Variants in KDM7A observed in about 807,000 individuals in gnomAD.
KDM7A encodes lysine-specific demethylase 7A.
A neutral mutation model predicts 114.8 loss-of-function variants in KDM7A; 28 were observed. That is an observed-to-expected ratio of 0.24 (90% CI 0.18 to 0.33). The LOEUF (loss-of-function observed/expected upper bound fraction) is 0.33. KDM7A is among the 10% of genes least tolerant of loss of function. The pLI, the probability that KDM7A is intolerant of heterozygous loss-of-function variation, is 1.00. For synonymous variants in KDM7A, 423 were observed against 397.8 expected, an observed-to-expected ratio of 1.06 and a Z score of -0.75; for missense variants, 942 against 1,142.5, an observed-to-expected ratio of 0.82 and a Z score of 2.53.
chr7:140,124,658 A>G lies in KDM7A; in HGVS notation c.1014T>C (p.Cys338=), dbSNP rs1368894608. The G allele has an allele frequency of 1.2e-6, 2 of 1,613,398 alleles. No homozygotes were observed. Among genetic ancestry groups the G allele is most frequent in the Admixed American group, 1.7e-5 (1 of 59,882 alleles). Residue 338 remains cysteine (C), a synonymous_variant, in exon 7 of 20, where the codon TGT becomes TGC. Coordinates refer to ENST00000397560, the MANE Select transcript of KDM7A (RefSeq NM_030647.2). ...FGDKVDKCYK[C]VVKQGHTLFV... ...ATAAGGTATGTCCCTGCTTTACCAC[A>G]CATTTGTAGCATTTATCCACCTTAT...
chr7:140,097,449 T>C (rs1818133447), intron 15 of KDM7A, 96 bp downstream of exon 15: 1 of 685,778 alleles, frequency 1.5e-6, no homozygotes, highest in African/African-American at 1.8e-5. Flanking sequence ...CAGACAAGCT[T>C]TGAGAAAAGC....
At chr7:140,100,104 C>T (rs1438421856) in intron 12 of KDM7A, 81 bp from the exon 13 acceptor site, 1 of 1,440,440 alleles carries the variant, frequency 6.9e-7, no homozygotes, top group South Asian at 1.2e-5. Flanking sequence ...TATACCACCA[C>T]CTCCCCCATG....
At chr7:140,126,578 T>C in intron 6 of KDM7A, 59 bp downstream of exon 6, 1 of 1,073,102 alleles carries the variant, frequency 9.3e-7, no homozygotes. Flanking sequence ...AATATACCAC[T>C]GAAAAACTAG....
At chr7:140,117,487 T>TGA (rs397775605) in intron 9 of KDM7A, among the ~76,000 whole-genome samples, 12 of 151,232 alleles carry the variant, frequency 7.9e-5, no homozygotes, top group African/African-American at 2.7e-4. Flanking sequence ...TGTGTGTGTG[T>TGA]TCGTGGATAG....
At chr7:140,172,079 T>A (rs1794651179) in intron 1 of KDM7A, among the ~76,000 whole-genome samples, 1 of 152,118 alleles carries the variant, frequency 6.6e-6, no homozygotes, top group South Asian at 2.1e-4. Context: ...ATTGGGAGGA[T>A]GCAGGGAACT....
chr7:140,113,238 T>C (rs1220044453), intron 10 of KDM7A, among the ~76,000 whole-genome samples: 3 of 152,244 alleles, frequency 2.0e-5, no homozygotes, highest in Non-Finnish European at 4.4e-5. Flanking sequence ...GTTCATTTCT[T>C]AGTCAATTTC....
chr7:140,102,109 C>A lies in KDM7A; in HGVS notation c.1480G>T (p.Val494Phe). The change falls in exon 12 of 20, where the codon GTT becomes TTT. Residue 494 changes from valine (V) to phenylalanine (F), a missense_variant. By Grantham distance (50) the Val-to-Phe change is conservative. This residue lies in a region of KDM7A where 512 missense variants were observed against 576.6 expected (regional missense o/e 0.89). Transcript: ENST00000397560. Reference sequence around the variant, plus strand: ...GTTGCTTCATTTGAGGATCGTGAAACTGGACACACAATAGGAATTCCCTGA... The same window carrying A: ...GTTGCTTCATTTGAGGATCGTGAAAATGGACACACAATAGGAATTCCCTGA... ...KSQGIPIVCP[V>F]SRSSNEATSP... 1 of 1,614,074 alleles carries A rather than the reference C, an allele frequency of 6.2e-7. No individual in the cohort carries two copies. Among genetic ancestry groups the A allele is most frequent in the Non-Finnish European group, 8.5e-7 (1 of 1,179,960 alleles).
At chr7:140,168,288 G>A (rs557823896) in intron 1 of KDM7A, among the ~76,000 whole-genome samples, 6 of 152,194 alleles carry the variant, frequency 3.9e-5, no homozygotes, top group South Asian at 4.1e-4. Flanking sequence ...ATACAAGGTC[G>A]GGCGTGGTGG....
At chr7:140,126,528 A>AC in intron 6 of KDM7A, 109 bp downstream of exon 6, 2 of 608,858 alleles carry the variant, frequency 3.3e-6, no homozygotes, top group African/African-American at 1.9e-5. Flanking sequence ...AAAAAAAAAA[A>AC]AAAAACTTCC....
At chr7:140,146,439 A>G (rs185226576) in intron 1 of KDM7A, among the ~76,000 whole-genome samples, 2 of 152,198 alleles carry the variant, frequency 1.3e-5, no homozygotes, top group African/African-American at 4.8e-5. Flanking sequence ...TGATAGCTAT[A>G]ACAGATATGT....
rs202046695 is a variant in KDM7A at position 140,111,152 on chromosome 7, G to T, written c.1371C>A (p.Asp457Glu). 64 of 1,607,910 alleles carry T rather than the reference G, an allele frequency of 4.0e-5. No homozygotes were observed. Among genetic ancestry groups the T allele is most frequent in the Non-Finnish European group, 5.2e-5 (61 of 1,175,974 alleles). ...LVSEHAFEIP[D>E]NVRPGHLIKE... is the part of the protein sequence containing the mutation. ...TAATAAGGTGTCCAGGTCTAACATTGTCTGGAATTTCAAAGGCATGTTCAG... is the reference window on the plus strand; with the variant it reads ...TAATAAGGTGTCCAGGTCTAACATTTTCTGGAATTTCAAAGGCATGTTCAG... Residue 457 changes from aspartate (D) to glutamate (E), a missense_variant, in exon 11 of 20, where the codon GAC becomes GAA. Coordinates refer to ENST00000397560, the MANE Select transcript of KDM7A (RefSeq NM_030647.2).
At chr7:140,108,174 A>G (rs539427750) in intron 11 of KDM7A, among the ~76,000 whole-genome samples, 3 of 151,960 alleles carry the variant, frequency 2.0e-5, no homozygotes, top group East Asian at 3.9e-4. Flanking sequence ...GCCATTTGTC[A>G]TATCTTTTTT....
Position 140,176,829 on chromosome 7 carries a change from G to A in KDM7A, c.109C>T (p.Pro37Ser), listed in dbSNP as rs1403858856. Reference sequence around the variant, plus strand: ...GGCTGCCGGCACACACAGTACACGGGCGGGGGCGGCGGAGGCGCCGAGGCC... The same window carrying A: ...GGCTGCCGGCACACACAGTACACGGACGGGGGCGGCGGAGGCGCCGAGGCC... ...GRASAPPPPPPVYCVCRQPYD... is the reference protein window; with the variant it reads ...GRASAPPPPPSVYCVCRQPYD... The change falls in exon 1 of 20, where the codon CCC becomes TCC. Residue 37 changes from proline (P) to serine (S), a missense_variant. Pro to Ser is a moderately conservative substitution (Grantham distance 74, BLOSUM62 -1). Coordinates refer to ENST00000397560, the MANE Select transcript of KDM7A (RefSeq NM_030647.2). This position sits in a 1 kb window ranked among gnomAD's most constrained non-coding sequence, Gnocchi z 4.4. The A allele has an allele frequency of 5.4e-5, 73 of 1,339,872 alleles. No homozygotes were observed. The highest frequency in any genetic ancestry group is 6.7e-5 in the Non-Finnish European group (69 of 1,025,152). 83.0% of individuals were successfully genotyped at this position (1,339,872 alleles called of 1,614,324 possible).
At chr7:140,173,072 T>C (rs578021985) in intron 1 of KDM7A, among the ~76,000 whole-genome samples, 11 of 152,304 alleles carry the variant, frequency 7.2e-5, no homozygotes, top group African/African-American at 2.2e-4. Flanking sequence ...TGAGGCAATT[T>C]TGCATATGAC....
chr7:140,098,128 T>C (rs1171838938), intron 14 of KDM7A, among the ~76,000 whole-genome samples: 1 of 152,226 alleles, frequency 6.6e-6, no homozygotes, highest in Non-Finnish European at 1.5e-5. Context: ...TTCCTGTTGA[T>C]TAGCACCTGG....
intron 10 of KDM7A, 24 bp downstream of exon 10, chr7:140,113,467 G>A (rs1433628238): frequency 7.4e-7 from 1 of 1,343,756 alleles, no homozygotes; most frequent in East Asian, 2.3e-5. Context: ...AAAACACAGT[G>A]ATTTCACTGT....
rs189171530 is a variant in KDM7A, at chr7:140,159,644, T to C, written c.194+17100A>G. The stretch of plus-strand genomic sequence containing the variant: ...AAGTTGATCATCAATTCACCCAATC[T>C]TGCCATTCATACTGAGGACCGTCCT... On this transcript the variant is annotated intron_variant, in intron 1 of 19. Transcript: ENST00000397560. 6.3e-3 allele frequency among the ~76,000 whole-genome samples: 958 copies of C among 152,348 alleles called. 5 individuals are homozygous for C. Among genetic ancestry groups the C allele is most frequent in the Non-Finnish European group, 0.01 (713 of 68,036 alleles).
intron 18 of KDM7A, among the ~76,000 whole-genome samples, chr7:140,092,377 G>A (rs1818036825): frequency 6.6e-6 from 1 of 152,306 alleles, no homozygotes; most frequent in East Asian, 1.9e-4. Flanking sequence ...GCCAACGCAG[G>A]GACCCTGAGC....
rs920842914 is a variant in KDM7A at position 140,155,361 on chromosome 7, T to C, written c.195-16171A>G. Among the ~76,000 whole-genome samples, 11 of 152,232 alleles carry C rather than the reference T, an allele frequency of 7.2e-5. 1 individual carries two copies. Among genetic ancestry groups the C allele is most frequent in the Admixed American group, 7.2e-4 (11 of 15,284 alleles). ...CAGGGCTACCTTTACCCACCAGGCA[T>C]AGCTTCTATCCTAGGGTAAGAATTC... On this transcript the variant is annotated intron_variant, in intron 1 of 19. Coordinates refer to ENST00000397560, the MANE Select transcript of KDM7A (RefSeq NM_030647.2).
Sources: gnomAD v4.1 joint callset for allele counts (sites outside exome capture counted in the v4.1 genomes callset) on GRCh38, gnomAD v4.1.1 for gene constraint, gnomAD v4.1.1 regional missense constraint, Gnocchi (gnomAD v3.1) non-coding constraint, MANE v1.5 for transcripts, NCBI Gene and HGNC (gene_info 2026-07-23, HGNC 2026-07-21) for gene names.